KIFAP3: variants seen among roughly 807,000 people sequenced by gnomAD.
KIFAP3 encodes the protein kinesin-associated protein 3.
In KIFAP3, 68 loss-of-function variants were observed where a neutral mutation model predicts 106.5. The observed-to-expected ratio is 0.64, with a 90% CI of 0.53 to 0.78. KIFAP3 has a LOEUF of 0.78. KIFAP3 is among the 30% of genes least tolerant of loss of function. KIFAP3 has a pLI of 0.00. For synonymous variants in KIFAP3, 320 were observed against 311.5 expected, an observed-to-expected ratio of 1.03 and a Z score of -0.29; for missense variants, 780 against 941.8, an observed-to-expected ratio of 0.83 and a Z score of 2.25.
At chr1:169,970,787 A>C (rs1318656917) in intron 17 of KIFAP3, among the ~76,000 whole-genome samples, 1 of 152,048 alleles carries the variant, frequency 6.6e-6, no homozygotes, top group Non-Finnish European at 1.5e-5. Flanking sequence ...TTCTCCCTTG[A>C]TGGTCTTTTT....
At chr1:170,061,501 A>T (rs1046088114) in intron 1 of KIFAP3, among the ~76,000 whole-genome samples, 2 of 152,196 alleles carry the variant, frequency 1.3e-5, no homozygotes, top group African/African-American at 2.4e-5. Context: ...ATCATTAAAA[A>T]GTCAGGAAAC....
At chr1:169,932,126 G>A (rs981069623) in intron 19 of KIFAP3, among the ~76,000 whole-genome samples, 7 of 152,086 alleles carry the variant, frequency 4.6e-5, no homozygotes, top group African/African-American at 1.7e-4. Context: ...GGATTACTCA[G>A]GCTGCTAGTG....
rs1191510026 is a variant in KIFAP3 at position 169,992,153 on chromosome 1, A to C, written c.1284+2T>G. On this transcript the variant is annotated splice_donor_variant, in intron 11 of 19. Transcript: ENST00000361580. LOFTEE classifies it high-confidence loss of function. ...TTTTCATAAAACACTTAAACCACTT[A>C]CCTGTGGTATACAGTCAGTGTATGC... The C allele has an allele frequency of 7.0e-7, 1 of 1,426,334 alleles. No homozygotes were observed. The highest frequency in any genetic ancestry group is 1.5e-5 in the African/African-American group (1 of 68,128). 88.4% of individuals were successfully genotyped at this position (1,426,334 alleles called of 1,614,324 possible).
chr1:170,078,742 A>G (rs1002247740), upstream of KIFAP3, among the ~76,000 whole-genome samples: 10 of 152,222 alleles, frequency 6.6e-5, no homozygotes, highest in Admixed American at 4.6e-4. Context: ...AGTAATTAAG[A>G]TAATGTCAAT....
upstream of KIFAP3, among the ~76,000 whole-genome samples, chr1:170,078,807 A>G (rs2102192252): frequency 6.6e-6 from 1 of 152,376 alleles, no homozygotes. Context: ...TAATTTTAAA[A>G]GGTCAGCATT....
chr1:170,052,148 G>C (rs189554149), intron 2 of KIFAP3, among the ~76,000 whole-genome samples: 1 of 152,052 alleles, frequency 6.6e-6, no homozygotes, highest in African/African-American at 2.4e-5. Context: ...ATATAATAAA[G>C]GGGATACCAC....
chr1:169,953,897 A>AG lies in KIFAP3; in HGVS notation c.2273+113dup, dbSNP rs202125287. The stretch of plus-strand genomic sequence containing the variant: ...AACAAACATGCCCTTGAAAAGATTG[A>AG]GGGTTTTTTCCCCCCTCTTAATGAA... On this transcript the variant is annotated intron_variant, in intron 19 of 19. Coordinates refer to ENST00000361580, the MANE Select transcript of KIFAP3 (RefSeq NM_014970.4). The AG allele has an allele frequency of 2.5e-5, 18 of 726,924 alleles. No individual in the cohort carries two copies. The East Asian group carries it at 3.6e-4, about 14-fold the overall frequency. The allele number at this position is 726,924 out of a possible 1,614,324, so 45.0% of individuals were successfully genotyped here.
In KIFAP3 at chr1:170,027,759, A is replaced by G. The variant is rs922172954; in HGVS notation, c.842-3163T>C. On this transcript the variant is annotated intron_variant, in intron 8 of 19. Coordinates refer to ENST00000361580, the MANE Select transcript of KIFAP3 (RefSeq NM_014970.4). ...TCCCTGAAAAAATAATAACAGAAACATTTCCAAATTTAGTGAAAATTATAA... is the reference window on the plus strand; with the variant it reads ...TCCCTGAAAAAATAATAACAGAAACGTTTCCAAATTTAGTGAAAATTATAA... Among the ~76,000 whole-genome samples, 10 of 152,240 alleles carry G rather than the reference A, an allele frequency of 6.6e-5. No individual in the cohort carries two copies. The East Asian group carries it at 1.5e-3, about 24-fold the overall frequency.
intron 3 of KIFAP3, among the ~76,000 whole-genome samples, chr1:170,043,209 A>T: frequency 6.6e-6 from 1 of 152,184 alleles, no homozygotes; most frequent in Non-Finnish European, 1.5e-5. Flanking sequence ...GGATTATAAG[A>T]GTAACTAATC....
intron 17 of KIFAP3, among the ~76,000 whole-genome samples, chr1:169,969,935 G>A (rs1337397665): frequency 6.6e-6 from 1 of 151,952 alleles, no homozygotes; most frequent in Non-Finnish European, 1.5e-5. Flanking sequence ...CATAATAGGT[G>A]CTTAATAAAC....
At chr1:170,029,816 A>G (rs550353740) in intron 8 of KIFAP3, among the ~76,000 whole-genome samples, 9 of 151,996 alleles carry the variant, frequency 5.9e-5, no homozygotes, top group Non-Finnish European at 1.2e-4. Flanking sequence ...AAACCCAAAA[A>G]TAGGCATGAC....
At chr1:170,069,679 G>A (rs577863726) in intron 1 of KIFAP3, among the ~76,000 whole-genome samples, 76 of 152,066 alleles carry the variant, frequency 5.0e-4, no homozygotes, top group African/African-American at 1.8e-3. Flanking sequence ...ATAATAAAGG[G>A]CATATATGAA....
chr1:170,036,994 T>C (rs1669723526), intron 5 of KIFAP3, among the ~76,000 whole-genome samples: 1 of 152,162 alleles, frequency 6.6e-6, no homozygotes, highest in South Asian at 2.1e-4. Context: ...AAGACAAATG[T>C]GCAAGACCAG....
intron 19 of KIFAP3, among the ~76,000 whole-genome samples, chr1:169,948,558 A>G (rs1664566457): frequency 6.6e-6 from 1 of 151,990 alleles, no homozygotes. Flanking sequence ...ATGTCTATCA[A>G]AGAAAATGCT....
intron 19 of KIFAP3, among the ~76,000 whole-genome samples, chr1:169,942,115 A>G (rs1472243352): frequency 6.6e-6 from 1 of 152,154 alleles, no homozygotes; most frequent in African/African-American, 2.4e-5. Flanking sequence ...AATTCCCTTA[A>G]ATTTCCTTAA....
chr1:169,924,918 C>T (rs954139052), intron 19 of KIFAP3, among the ~76,000 whole-genome samples: 8 of 152,150 alleles, frequency 5.3e-5, no homozygotes, highest in African/African-American at 1.9e-4. Flanking sequence ...TAGTGTGTAT[C>T]ACAGGAATTT....
intron 19 of KIFAP3, among the ~76,000 whole-genome samples, chr1:169,953,273 A>G (rs910890671): frequency 6.6e-6 from 1 of 152,008 alleles, no homozygotes; most frequent in Non-Finnish European, 1.5e-5. Context: ...TCTCTTAATT[A>G]TTTTAATAAA....
At chr1:169,954,723 G>C (rs981391101) in intron 18 of KIFAP3, among the ~76,000 whole-genome samples, 1 of 152,044 alleles carries the variant, frequency 6.6e-6, no homozygotes, top group African/African-American at 2.4e-5. Context: ...ATACTATACA[G>C]AAATATTCCT....
rs1274557215 is a variant in KIFAP3 at position 169,979,879 on chromosome 1, T to C, written c.1799-1696A>G. 2.0e-5 allele frequency among the ~76,000 whole-genome samples: 3 copies of C among 152,166 alleles called. No homozygotes were observed. In the East Asian group the frequency reaches 5.8e-4, roughly 29 times the overall value. On this transcript the variant is annotated intron_variant, in intron 15 of 19. Coordinates refer to ENST00000361580, the MANE Select transcript of KIFAP3 (RefSeq NM_014970.4). Reference sequence around the variant, plus strand: ...CCCCCCCACAAAAACCTAACTCTACTATCCATCAGTAGTAGAAAGGATAAA... The same window carrying C: ...CCCCCCCACAAAAACCTAACTCTACCATCCATCAGTAGTAGAAAGGATAAA...
Sources: allele counts gnomAD v4.1 joint callset (sites outside exome capture counted in the v4.1 genomes callset), GRCh38; gene constraint gnomAD v4.1.1; transcripts MANE v1.5; gene names NCBI Gene and HGNC (gene_info 2026-07-23, HGNC 2026-07-21).